The following NRG2 variants were observed in gnomAD, a reference collection of about 807,000 sequenced individuals.
The protein encoded by NRG2 is pro-neuregulin-2, membrane-bound isoform.
NRG2 carries 27 observed loss-of-function variants against 73.9 expected under a neutral mutation model. The ratio of observed to expected loss-of-function variants is 0.37; its 90% CI spans 0.27 to 0.50. The LOEUF is 0.50. Ranked by LOEUF, NRG2 falls within the 20% of genes least tolerant of loss-of-function variation. NRG2 has a pLI of 0.96. For synonymous variants in NRG2, 532 were observed against 541.0 expected (o/e 0.98, Z 0.23); for missense variants, 1,126 against 1,210.1 (o/e 0.93, Z 1.03).
chr5:139,869,371 C>A lies in NRG2; in HGVS notation c.1112+2350G>T, dbSNP rs1762689595. Reference sequence around the variant, plus strand: ...AAAATCAAAATAAAAAGTAAACAAACAGCACAAATGGTAAGACGTGAGTTC... The same window carrying A: ...AAAATCAAAATAAAAAGTAAACAAAAAGCACAAATGGTAAGACGTGAGTTC... On this transcript the variant is annotated intron_variant, in intron 4 of 9. Coordinates refer to ENST00000361474, the MANE Select transcript of NRG2 (RefSeq NM_004883.3). The surrounding 1 kb of genome is among the most constrained non-coding windows in gnomAD (Gnocchi z 4.5). The A allele has an allele frequency of 6.6e-6, 1 of 152,184 alleles. No homozygotes were observed. The highest frequency in any genetic ancestry group is 2.4e-5 in the African/African-American group (1 of 41,432). The allele number at this position is 152,184 out of a possible 1,614,324, so 9.4% of individuals were successfully genotyped here.
Position 139,847,724 on chromosome 5 carries a change from C to T in NRG2, c.*193G>A. On this transcript the variant is annotated 3_prime_UTR_variant, in exon 10 of 10. Coordinates refer to ENST00000361474, the MANE Select transcript of NRG2 (RefSeq NM_004883.3). ...CATATAAATAGTTTCCCTATAAAAA[C>T]GCCTTTGCCGTTAGCTAGTATTATA... The T allele has an allele frequency of 5.3e-6, 2 of 379,516 alleles. No homozygotes were observed. The highest frequency in any genetic ancestry group is 4.6e-5 in the Admixed American group (1 of 21,706). The allele number at this position is 379,516 out of a possible 1,614,324, so 23.5% of individuals were successfully genotyped here.
chr5:139,880,758 T>TG, intron 3 of NRG2, 98 bp downstream of exon 3: 1 of 815,674 alleles, frequency 1.2e-6, no homozygotes, highest in South Asian at 1.6e-5. Context: ...GGGAGTTGAG[T>TG]GCGAGATGGA....
rs933114361 is a variant in NRG2 at position 140,042,921 on chromosome 5, C to A, written c.149G>T (p.Ser50Ile). Reference sequence around the variant, plus strand: ...ACGAGAGATGCTGCTGTTGTTGCTGCTGCTCCTGCTGCTGCTGCCGCTCTC... The same window carrying A: ...ACGAGAGATGCTGCTGTTGTTGCTGATGCTCCTGCTGCTGCTGCCGCTCTC... ...SSESGSSSRSSSNNSSISRPA... is the reference protein window; with the variant it reads ...SSESGSSSRSISNNSSISRPA... The change falls in exon 1 of 10, where the codon AGC becomes ATC. Residue 50 changes from serine (S) to isoleucine (I), a missense_variant. By Grantham distance (142) the Ser-to-Ile change is moderately radical (BLOSUM62 -2). This residue lies in a region of NRG2 where 185 missense variants were observed against 149.0 expected (regional missense o/e 1.24). Transcript: ENST00000361474. 3 of 1,523,750 alleles carry A rather than the reference C, an allele frequency of 2.0e-6. No homozygotes were observed. Among genetic ancestry groups the A allele is most frequent in the Middle Eastern group, 1.9e-4 (1 of 5,170 alleles). 94.4% of individuals were successfully genotyped at this position (1,523,750 alleles called of 1,614,324 possible).
At chr5:140,021,935 C>T (rs76328935) in intron 1 of NRG2, among the ~76,000 whole-genome samples, 7,925 of 152,262 alleles carry the variant, frequency 0.052, 280 homozygotes, top group South Asian at 0.093. Context: ...GTCCTCTGCC[C>T]TTACAGAATC....
At chr5:139,903,956 G>C (rs1765049651) in intron 1 of NRG2, among the ~76,000 whole-genome samples, 1 of 152,232 alleles carries the variant, frequency 6.6e-6, no homozygotes, top group Non-Finnish European at 1.5e-5. Context: ...CGGGCCCAGC[G>C]TCTGATCAGC....
At chr5:139,971,166 C>A (rs1268668830) in intron 1 of NRG2, among the ~76,000 whole-genome samples, 1 of 152,174 alleles carries the variant, frequency 6.6e-6, no homozygotes, top group Non-Finnish European at 1.5e-5. Flanking sequence ...AGAGACCAAG[C>A]TGATGACACA....
intron 1 of NRG2, among the ~76,000 whole-genome samples, chr5:139,951,763 C>A (rs1008817619): frequency 1.3e-5 from 2 of 152,218 alleles, no homozygotes; most frequent in Non-Finnish European, 2.9e-5. Flanking sequence ...CAACTGGTTA[C>A]AACACTGCAA....
intron 1 of NRG2, among the ~76,000 whole-genome samples, chr5:139,934,807 C>A (rs923051583): frequency 1.3e-5 from 2 of 152,154 alleles, no homozygotes; most frequent in Non-Finnish European, 2.9e-5. Context: ...TATGTCAGAG[C>A]AAATCTTACC....
chr5:139,940,097 C>A (rs1753274811), intron 1 of NRG2, among the ~76,000 whole-genome samples: 1 of 152,196 alleles, frequency 6.6e-6, no homozygotes, highest in Admixed American at 6.5e-5. Flanking sequence ...CCCTGCCATG[C>A]TAGGTATTCA....
intron 1 of NRG2, among the ~76,000 whole-genome samples, chr5:140,032,310 C>A (rs1180451471): frequency 6.6e-6 from 1 of 151,888 alleles, no homozygotes; most frequent in Non-Finnish European, 1.5e-5. Context: ...AGAACACAAG[C>A]CAAAATATTG....
At chr5:139,884,233 A>T (rs1763725331) in intron 2 of NRG2, among the ~76,000 whole-genome samples, 2 of 152,214 alleles carry the variant, frequency 1.3e-5, no homozygotes, top group South Asian at 4.1e-4. Context: ...CTAAGGCACC[A>T]TGGGAGGAGA....
intron 3 of NRG2, among the ~76,000 whole-genome samples, chr5:139,876,640 G>T (rs1199680381): frequency 6.6e-6 from 1 of 152,018 alleles, no homozygotes; most frequent in African/African-American, 2.4e-5. Context: ...GTCCCCGACT[G>T]CCCACAAGTG....
chr5:140,005,685 T>C (rs1290779204), intron 1 of NRG2, among the ~76,000 whole-genome samples: 1 of 152,208 alleles, frequency 6.6e-6, no homozygotes, highest in Non-Finnish European at 1.5e-5. Context: ...AGCTACCACA[T>C]GTCCACTTTG....
At chr5:140,010,017 G>T (rs115724263) in intron 1 of NRG2, among the ~76,000 whole-genome samples, 2,233 of 152,272 alleles carry the variant, frequency 0.015, 39 homozygotes, top group Non-Finnish European at 0.022. Context: ...TCTGTATGAG[G>T]CCGGGCACAG....
At chr5:139,988,072 C>A (rs1012974111) in intron 1 of NRG2, among the ~76,000 whole-genome samples, 1 of 152,200 alleles carries the variant, frequency 6.6e-6, no homozygotes, top group South Asian at 2.1e-4. Context: ...CCACGCCCAG[C>A]CTCTGCAGGT....
chr5:140,025,172 C>T (rs897173175), intron 1 of NRG2, among the ~76,000 whole-genome samples: 1 of 152,190 alleles, frequency 6.6e-6, no homozygotes, highest in African/African-American at 2.4e-5. Context: ...CCCAACACTC[C>T]TCTGGGCCAC....
At chr5:139,918,154 A>C (rs1341253007) in intron 1 of NRG2, among the ~76,000 whole-genome samples, 2 of 152,210 alleles carry the variant, frequency 1.3e-5, no homozygotes, top group Admixed American at 1.3e-4. Flanking sequence ...TTTTTAAAAA[A>C]TAAATTCCTC....
chr5:140,020,790 C>T (rs1393290800), intron 1 of NRG2, among the ~76,000 whole-genome samples: 1 of 152,214 alleles, frequency 6.6e-6, no homozygotes, highest in Non-Finnish European at 1.5e-5. Flanking sequence ...AGCCCACCTG[C>T]CTCAGAAAAG....
chr5:139,904,688 C>A lies in NRG2; in HGVS notation c.701-17177G>T, dbSNP rs1007713491. Among the ~76,000 whole-genome samples the A allele has an allele frequency of 7.2e-5, 11 of 152,162 alleles. No homozygotes were observed. The highest frequency in any genetic ancestry group is 2.7e-4 in the African/African-American group (11 of 41,462). ...GGCGCCTAAACAGGGCGCCACAGAC[C>A]TCCTCGCCGAAGAGGGGGCTTGAGC... On this transcript the variant is annotated intron_variant, in intron 1 of 9. Transcript: ENST00000361474. The surrounding 1 kb of genome is among the most constrained non-coding windows in gnomAD (Gnocchi z 6.0).
Sources: allele counts gnomAD v4.1 joint callset (sites outside exome capture counted in the v4.1 genomes callset), GRCh38; gene constraint gnomAD v4.1.1; regional missense constraint gnomAD v4.1.1; non-coding constraint Gnocchi (gnomAD v3.1); transcripts MANE v1.5; gene names NCBI Gene and HGNC (gene_info 2026-07-23, HGNC 2026-07-21).